NUP210: variants seen among roughly 807,000 people sequenced by gnomAD.
NUP210 encodes the protein nucleoporin 210.
In NUP210, 151 loss-of-function variants were observed where a neutral mutation model predicts 196.0. That is an observed-to-expected ratio of 0.77 (90% CI 0.67 to 0.88). NUP210 has a LOEUF of 0.88. NUP210 is among the 40% of genes least tolerant of loss of function. The pLI is 0.00. For synonymous variants in NUP210, 1,070 were observed against 1,052.7 expected, an observed-to-expected ratio of 1.02 and a Z score of -0.32; for missense variants, 2,314 against 2,493.7, an observed-to-expected ratio of 0.93 and a Z score of 1.53.
intron 1 of NUP210, among the ~76,000 whole-genome samples, chr3:13,413,331 G>A (rs1471650705): frequency 2.6e-5 from 4 of 151,814 alleles, no homozygotes; most frequent in Non-Finnish European, 4.4e-5. Context: ...TTAGCCGGGC[G>A]TGGTGGCAGG....
intron 37 of NUP210, 43 bp downstream of exon 37, chr3:13,319,719 TC>T (rs747303103): frequency 1.3e-6 from 2 of 1,558,826 alleles, no homozygotes; most frequent in South Asian, 2.2e-5. Context: ...TGCCTGTCCC[TC>T]CCCATCCTGG....
intron 1 of NUP210, among the ~76,000 whole-genome samples, chr3:13,408,287 T>C (rs1417184007): frequency 6.6e-6 from 1 of 152,218 alleles, no homozygotes; most frequent in East Asian, 1.9e-4. Context: ...TTTTAAAAAA[T>C]TGTGCTTTTG....
intron 1 of NUP210, among the ~76,000 whole-genome samples, chr3:13,405,414 C>T (rs1369545853): frequency 6.6e-6 from 1 of 152,142 alleles, no homozygotes; most frequent in Non-Finnish European, 1.5e-5. Flanking sequence ...GAGATTCCAG[C>T]TGAATGCAGC....
intron 3 of NUP210, among the ~76,000 whole-genome samples, chr3:13,395,691 C>T (rs1378908991): frequency 3.3e-5 from 5 of 152,138 alleles, no homozygotes; most frequent in African/African-American, 7.2e-5. Flanking sequence ...TCCACTCATC[C>T]GTTGATGGAC....
At chr3:13,335,433 G>T in intron 28 of NUP210, 21 bp downstream of exon 28, 1 of 1,607,296 alleles carries the variant, frequency 6.2e-7, no homozygotes, top group Non-Finnish European at 8.5e-7. Flanking sequence ...CTTCCCTGTG[G>T]CCTTTCCACC....
At position 13,327,292 on chromosome 3, in the gene NUP210, T is replaced by C; in HGVS notation, c.4432A>G (p.Ile1478Val). The change falls in exon 32 of 40, where the codon ATC becomes GTC. Residue 1478 changes from isoleucine to valine, a missense_variant. Coordinates refer to ENST00000254508, the MANE Select transcript of NUP210 (RefSeq NM_024923.4). The part of the protein sequence containing the change: ...DFMPLPVLQA[I>V]SPELSGAMVV... Reference sequence around the variant, plus strand: ...ATGGCCCCAGACAGCTCTGGGGAGATGGCCTGTAGGACAGGCAGGGGCATG... The same window carrying C: ...ATGGCCCCAGACAGCTCTGGGGAGACGGCCTGTAGGACAGGCAGGGGCATG... 1.2e-6 allele frequency: 2 copies of C among 1,613,468 alleles called. No homozygotes were observed. Among genetic ancestry groups the C allele is most frequent in the Non-Finnish European group, 1.7e-6 (2 of 1,180,014 alleles).
Position 13,328,954 on chromosome 3 carries a change from A to T in NUP210, c.4111-8T>A, listed in dbSNP as rs769643842. 1 of 1,613,004 alleles carries T rather than the reference A, an allele frequency of 6.2e-7. No homozygotes were observed. Among genetic ancestry groups the T allele is most frequent in the Non-Finnish European group, 8.5e-7 (1 of 1,179,416 alleles). On this transcript the variant is annotated splice_polypyrimidine_tract_variant and splice_region_variant and intron_variant, in intron 30 of 39. Transcript: ENST00000254508. ...GTAGGAAACAGGGGATACCTAAGGG[A>T]CAACATACAGGTATGATGAGGATTC...
At position 13,353,916 on chromosome 3, in the gene NUP210, G is replaced by A. The variant is rs141637068; in HGVS notation, c.2520C>T (p.His840=). ...CCATCAGGCTTGTGCCCAGCTCACCGTGCAGCTTCTTTTGGCCACTCTCAT... is the reference window on the plus strand; with the variant it reads ...CCATCAGGCTTGTGCCCAGCTCACCATGCAGCTTCTTTTGGCCACTCTCAT... ...QDDESGQKKL[H]GLQAILVHEA... is the part of the protein sequence containing the mutation. The change falls in exon 17 of 40, where the codon CAC becomes CAT. Residue 840 remains histidine (H), a splice_region_variant and synonymous_variant. Transcript: ENST00000254508. The A allele has an allele frequency of 7.4e-5, 119 of 1,606,276 alleles. No individual in the cohort carries two copies. Among genetic ancestry groups the A allele is most frequent in the Non-Finnish European group, 9.4e-5 (110 of 1,176,278 alleles).
intron 18 of NUP210, 34 bp downstream of exon 18, chr3:13,353,520 C>T (rs1169376428): frequency 1.3e-6 from 2 of 1,555,756 alleles, no homozygotes; most frequent in Non-Finnish European, 8.9e-7. Context: ...CCCCGCTACC[C>T]ATAGCCCACC....
intron 1 of NUP210, among the ~76,000 whole-genome samples, chr3:13,409,175 C>T (rs1700086677): frequency 1.3e-5 from 2 of 152,204 alleles, no homozygotes; most frequent in South Asian, 4.1e-4. Context: ...CTCCACATAC[C>T]TTCCAGTAAC....
At chr3:13,411,055 T>C (rs1353197991) in intron 1 of NUP210, among the ~76,000 whole-genome samples, 1 of 151,256 alleles carries the variant, frequency 6.6e-6, no homozygotes, top group Non-Finnish European at 1.5e-5. Context: ...CTCTAAAAAA[T>C]AATAATAATA....
chr3:13,413,914 A>G (rs1025713975), intron 1 of NUP210, among the ~76,000 whole-genome samples: 6 of 152,264 alleles, frequency 3.9e-5, no homozygotes, highest in Non-Finnish European at 7.3e-5. Context: ...CACCAGAAGA[A>G]AACTTTTATT....
chr3:13,317,482 A>G lies in NUP210; in HGVS notation c.*199T>C. 1 of 582,226 alleles carries G rather than the reference A, an allele frequency of 1.7e-6. No individual in the cohort carries two copies. Among genetic ancestry groups the G allele is most frequent in the East Asian group, 2.9e-5 (1 of 34,452 alleles). The allele number at this position is 582,226 out of a possible 1,614,324, so 36.1% of individuals were successfully genotyped here. The stretch of plus-strand genomic sequence containing the variant: ...AAGACTTGAAAGGAAAAAAACACAC[A>G]TTTAAAACTCCTACATAAAATGAGC... On this transcript the variant is annotated 3_prime_UTR_variant, in exon 40 of 40. Coordinates refer to ENST00000254508, the MANE Select transcript of NUP210 (RefSeq NM_024923.4).
At chr3:13,330,819 C>T (rs544923499) in intron 29 of NUP210, among the ~76,000 whole-genome samples, 185 bp from the exon 30 acceptor site, 23 of 152,256 alleles carry the variant, frequency 1.5e-4, no homozygotes, top group African/African-American at 5.1e-4. Flanking sequence ...CAGTCACCCA[C>T]GGAAAAGTAA....
At chr3:13,373,618 G>A (rs1205211276) in intron 12 of NUP210, 100 bp downstream of exon 12, 42 of 1,253,908 alleles carry the variant, frequency 3.3e-5, no homozygotes, top group Non-Finnish European at 3.1e-5. Flanking sequence ...AGGACCCAAG[G>A]TTGGGGGTGT....
chr3:13,377,076 C>T (rs1698936429), intron 9 of NUP210, among the ~76,000 whole-genome samples: 1 of 152,332 alleles, frequency 6.6e-6, no homozygotes, highest in South Asian at 2.1e-4. Flanking sequence ...AAAGCCAGGA[C>T]GTGCTCCGTG....
chr3:13,385,190 A>G (rs1467174347), intron 6 of NUP210, among the ~76,000 whole-genome samples: 1 of 152,206 alleles, frequency 6.6e-6, no homozygotes, highest in Non-Finnish European at 1.5e-5. Flanking sequence ...AGGACTTTAA[A>G]CAATGCAGCA....
intron 2 of NUP210, among the ~76,000 whole-genome samples, chr3:13,398,486 T>A (rs1039569350): frequency 3.3e-5 from 5 of 152,244 alleles, no homozygotes; most frequent in African/African-American, 1.2e-4. Flanking sequence ...TGGGAATTTA[T>A]CTTAAGAAAT....
At chr3:13,370,441 G>A (rs1576391810) in intron 13 of NUP210, among the ~76,000 whole-genome samples, 1 of 152,202 alleles carries the variant, frequency 6.6e-6, no homozygotes, top group Non-Finnish European at 1.5e-5. Flanking sequence ...GCATCATACA[G>A]CCAGCAAGGG....
Sources: allele counts gnomAD v4.1 joint callset (sites outside exome capture counted in the v4.1 genomes callset), GRCh38; gene constraint gnomAD v4.1.1; transcripts MANE v1.5; gene names NCBI Gene and HGNC (gene_info 2026-07-23, HGNC 2026-07-21).